The following CRHR2 variants were observed in gnomAD, a reference collection of about 807,000 sequenced individuals.
CRHR2 encodes corticotropin releasing hormone receptor 2.
In CRHR2, 53 loss-of-function variants were observed where a neutral mutation model predicts 57.9. That is an observed-to-expected ratio of 0.92 (90% confidence interval 0.73 to 1.15). The LOEUF (loss-of-function observed/expected upper bound fraction) is 1.15. Among genes scored for constraint, CRHR2 ranks in the 50% most tolerant of loss-of-function variants. The pLI is 0.00. For synonymous variants in CRHR2, 213 were observed against 220.9 expected (o/e 0.96, Z 0.32); for missense variants, 532 against 542.6 (o/e 0.98, Z 0.19).
intron 9 of CRHR2, 87 bp from the exon 10 acceptor site, chr7:30,655,802 C>T (rs1306450491): frequency 1.3e-6 from 2 of 1,589,386 alleles, no homozygotes; most frequent in African/African-American, 1.3e-5. Flanking sequence ...GGTGGTGTTT[C>T]TTCCGGGAGC....
rs1783656889 is a variant in CRHR2, at chr7:30,653,409, G to A, written c.*51C>T. The A allele has an allele frequency of 6.3e-7, 1 of 1,596,380 alleles. No homozygotes were observed. Among genetic ancestry groups the A allele is most frequent in the African/African-American group, 1.3e-5 (1 of 74,798 alleles). On this transcript the variant is annotated 3_prime_UTR_variant, in exon 12 of 12. Transcript: ENST00000471646. This position sits in a 1 kb window ranked among gnomAD's most constrained non-coding sequence, Gnocchi z 5.0. Reference sequence around the variant, plus strand: ...GCCTGCCCAGCACAGAGAACCCAGAGGAAGAAGGTGGAGGAGGACAGGGGA... The same window carrying A: ...GCCTGCCCAGCACAGAGAACCCAGAAGAAGAAGGTGGAGGAGGACAGGGGA...
Position 30,670,206 on chromosome 7 carries a change from A to G in CRHR2, c.230-2893T>C, listed in dbSNP as rs201084409. 2.0e-5 allele frequency among the ~76,000 whole-genome samples: 3 copies of G among 152,128 alleles called. No homozygotes were observed. In the East Asian group the frequency reaches 5.8e-4, roughly 29 times the overall value. On this transcript the variant is annotated intron_variant, in intron 2 of 11. Transcript: ENST00000471646. ...TATTCTAATGTCTTCTATTCATTTC[A>G]CACACACTGATCATGACCCACTAAA... is the stretch of plus-strand genomic sequence containing the variant.
At chr7:30,692,889 CA>C (rs1784988165) in intron 1 of CRHR2, among the ~76,000 whole-genome samples, 1 of 152,200 alleles carries the variant, frequency 6.6e-6, no homozygotes, top group East Asian at 1.9e-4. Flanking sequence ...GATTCAAGCC[CA>C]GTCAGTTGGT....
At chr7:30,685,742 C>G (rs942950716), upstream of CRHR2, among the ~76,000 whole-genome samples, 2 of 152,182 alleles carry the variant, frequency 1.3e-5, no homozygotes, top group Non-Finnish European at 2.9e-5. Context: ...CCCAGACAAG[C>G]AAAAGAGGTT....
At chr7:30,678,789 T>C (rs1236833474) in intron 2 of CRHR2, among the ~76,000 whole-genome samples, 1 of 152,178 alleles carries the variant, frequency 6.6e-6, no homozygotes, top group Non-Finnish European at 1.5e-5. Flanking sequence ...TCTCTCACCA[T>C]ATCTTGTCAA....
intron 3 of CRHR2, among the ~76,000 whole-genome samples, chr7:30,666,913 G>A (rs944686542): frequency 5.9e-5 from 9 of 152,208 alleles, no homozygotes; most frequent in African/African-American, 2.2e-4. Context: ...GGAGAGGAAG[G>A]TGTGCAGTCA....
In CRHR2 at chr7:30,656,384, G is replaced by T. The variant is rs1215480837; in HGVS notation, c.832-372C>A. ...CCTCACTGCCACGGGGTCCCTACTT[G>T]TTGACTGCGGGGCTCTCTGAGTCCC... On this transcript the variant is annotated intron_variant, in intron 8 of 11. Coordinates refer to ENST00000471646, the MANE Select transcript of CRHR2 (RefSeq NM_001883.5). The surrounding 1 kb of genome is among the most constrained non-coding windows in gnomAD (Gnocchi z 4.4). Among the ~76,000 whole-genome samples the T allele has an allele frequency of 2.0e-5, 3 of 152,222 alleles. No homozygotes were observed. Among genetic ancestry groups the T allele is most frequent in the Non-Finnish European group, 4.4e-5 (3 of 68,030 alleles).
chr7:30,667,344 G>A (rs1420001172), intron 2 of CRHR2, 31 bp from the exon 3 acceptor site: 1 of 1,599,644 alleles, frequency 6.3e-7, no homozygotes, highest in East Asian at 2.2e-5. Flanking sequence ...CAAGAGTCAG[G>A]TCACTCCCCT....
Position 30,682,361 on chromosome 7 carries a change from G to C in CRHR2, c.-81C>G, listed in dbSNP as rs1464370483. ...CGAGGGAGTGGACGCGAGAGTGAGC[G>C]GCCGAGAGGGCGCGGGGTCCTGGCC... is the stretch of plus-strand genomic sequence containing the variant. On this transcript the variant is annotated 5_prime_UTR_variant, in exon 1 of 12. Transcript: ENST00000471646. 2 of 1,420,422 alleles carry C rather than the reference G, an allele frequency of 1.4e-6. No individual in the cohort carries two copies. The highest frequency in any genetic ancestry group is 3.0e-5 in the South Asian group (2 of 66,828). 88.0% of individuals were successfully genotyped at this position (1,420,422 alleles called of 1,614,324 possible). A position where few individuals can be genotyped will look rare whatever the true frequency, so the allele number is the denominator to read the frequency against.
At chr7:30,666,194 A>G (rs1453445459) in intron 3 of CRHR2, among the ~76,000 whole-genome samples, 1 of 152,134 alleles carries the variant, frequency 6.6e-6, no homozygotes, top group African/African-American at 2.4e-5. Context: ...TTTGATGTCT[A>G]TACAATGGGG....
At chr7:30,686,375 G>A, upstream of CRHR2, 1 of 1,525,034 alleles carries the variant, frequency 6.6e-7, no homozygotes, top group Non-Finnish European at 8.8e-7. Flanking sequence ...GAGTCACTAA[G>A]AAAGGACAGA....
intron 1 of CRHR2, chr7:30,698,075 C>T (rs1333003350): frequency 1.3e-5 from 2 of 152,578 alleles, no homozygotes; most frequent in Non-Finnish European, 2.9e-5. Flanking sequence ...CCTGGGCTGC[C>T]TTCCCTCCCG....
chr7:30,680,637 T>C (rs1784668912), intron 2 of CRHR2, among the ~76,000 whole-genome samples: 1 of 152,010 alleles, frequency 6.6e-6, no homozygotes, highest in Non-Finnish European at 1.5e-5. Flanking sequence ...AGCTTGGGGA[T>C]CTTACTTCCT....
Position 30,653,564 on chromosome 7 carries a change from G to A in CRHR2, c.1132C>T (p.Gln378Ter). The A allele has an allele frequency of 6.2e-7, 1 of 1,612,928 alleles. No individual in the cohort carries two copies. Among genetic ancestry groups the A allele is most frequent in the East Asian group, 2.2e-5 (1 of 44,846 alleles). Reference protein sequence around the residue: ...SAVRKRWHRWQDHHSLRVPMA... With the variant: ...SAVRKRWHRW Reference sequence around the variant, plus strand: ...GGGACTCGAAGGGAGTGATGGTCCTGCCAGCGGTGCCACCTCTTCCTCACG... The same window carrying A: ...GGGACTCGAAGGGAGTGATGGTCCTACCAGCGGTGCCACCTCTTCCTCACG... The change falls in exon 12 of 12, where the codon CAG (glutamine) becomes TAG (stop). Residue 378 changes from glutamine (Q) to a stop codon, truncating the protein, a stop_gained. Coordinates refer to ENST00000471646, the MANE Select transcript of CRHR2 (RefSeq NM_001883.5). LOFTEE classifies it high-confidence loss of function. This position sits in a 1 kb window ranked among gnomAD's most constrained non-coding sequence, Gnocchi z 5.0.
chr7:30,695,694 C>G (rs1445844489), intron 1 of CRHR2, among the ~76,000 whole-genome samples: 1 of 152,184 alleles, frequency 6.6e-6, no homozygotes, highest in East Asian at 1.9e-4. Context: ...CACATCTCTT[C>G]TGATTTGTTT....
At chr7:30,687,037 G>A (rs1784869475), upstream of CRHR2, among the ~76,000 whole-genome samples, 1 of 151,964 alleles carries the variant, frequency 6.6e-6, no homozygotes, top group South Asian at 2.1e-4. Context: ...TTCCCCAGAG[G>A]GAACATTCCC....
intron 1 of CRHR2, among the ~76,000 whole-genome samples, chr7:30,698,904 C>A (rs143579332): frequency 6.6e-6 from 1 of 152,338 alleles, no homozygotes; most frequent in Non-Finnish European, 1.5e-5. Flanking sequence ...TTTGAGTAAC[C>A]TGTCCAAGGT....
upstream of CRHR2, chr7:30,686,619 C>CA (rs1784862687): frequency 2.8e-6 from 3 of 1,059,600 alleles, no homozygotes; most frequent in Middle Eastern, 4.0e-4. Flanking sequence ...GACCAGCCTA[C>CA]AAAAAATAAT....
At chr7:30,697,004 GGC>G (rs1785069373) in intron 1 of CRHR2, among the ~76,000 whole-genome samples, 1 of 152,194 alleles carries the variant, frequency 6.6e-6, no homozygotes, top group African/African-American at 2.4e-5. Context: ...TAGCTAGTGA[GGC>G]TAGAAAACGC....
Sources: allele counts gnomAD v4.1 joint callset (sites outside exome capture counted in the v4.1 genomes callset), GRCh38; gene constraint gnomAD v4.1.1; non-coding constraint Gnocchi (gnomAD v3.1); transcripts MANE v1.5; gene names NCBI Gene and HGNC (gene_info 2026-07-23, HGNC 2026-07-21).